Variants in ANKRD30B observed in about 807,000 individuals in gnomAD.
ANKRD30B encodes ankyrin repeat domain 30B, also known as ankyrin repeat domain-containing protein 30B.
A neutral mutation model predicts 202.2 loss-of-function variants in ANKRD30B; 144 were observed. The ratio of observed to expected loss-of-function variants is 0.71; its 90% CI spans 0.62 to 0.82. ANKRD30B has a LOEUF of 0.82. Among genes scored for constraint, ANKRD30B ranks in the 40% least tolerant of loss-of-function variants. The pLI is 0.00. For synonymous variants in ANKRD30B, 508 were observed against 561.3 expected, an observed-to-expected ratio of 0.91 and a Z score of 1.34; for missense variants, 1,487 against 1,669.1, an observed-to-expected ratio of 0.89 and a Z score of 1.90.
At position 14,799,163 on chromosome 18, in the gene ANKRD30B, C is replaced by T. The variant is rs139427917; in HGVS notation, c.2058+34C>T. On this transcript the variant is annotated intron_variant, in intron 21 of 43. Coordinates refer to ENST00000690538, the MANE Select transcript of ANKRD30B (RefSeq NM_001367607.2). ...TTTTATATTTTTATCTTGAATATTA[C>T]CTACATATTTTATGAAGTATACATT... 2.7e-3 allele frequency: 4,273 copies of T among 1,588,770 alleles called. 118 individuals carry two copies. The African/African-American group carries it at 0.052, about 19-fold the overall frequency.
At chr18:14,769,251 C>A in intron 7 of ANKRD30B, 92 bp from the exon 8 acceptor site, 1 of 961,640 alleles carries the variant, frequency 1.0e-6, no homozygotes, top group Non-Finnish European at 1.5e-6. Flanking sequence ...GGATTACAGG[C>A]ATTTGCCATC....
At chr18:14,855,902 G>T (rs1972090675), downstream of ANKRD30B, among the ~76,000 whole-genome samples, 1 of 150,978 alleles carries the variant, frequency 6.6e-6, no homozygotes, top group African/African-American at 2.4e-5. Flanking sequence ...GGGGCGGCTG[G>T]GCAGAGGCGC....
the ANKRD30B span, among the ~76,000 whole-genome samples, chr18:14,894,460 C>G: frequency 1.3e-5 from 2 of 151,844 alleles, no homozygotes; most frequent in Admixed American, 6.6e-5. Flanking sequence ...TTTCTTTTTC[C>G]TGAAACTGTT....
chr18:14,768,625 C>A (rs989742352), intron 7 of ANKRD30B, among the ~76,000 whole-genome samples: 2 of 152,142 alleles, frequency 1.3e-5, no homozygotes, highest in African/African-American at 4.8e-5. Context: ...TGGACAAAAT[C>A]TTCCACACAT....
At chr18:14,919,608 T>C in the ANKRD30B span, among the ~76,000 whole-genome samples, 13 of 152,234 alleles carry the variant, frequency 8.5e-5, no homozygotes, top group Middle Eastern at 3.4e-3. Context: ...CCTGGTCCCA[T>C]GGGGAACTGA....
At chr18:14,907,800 A>G in the ANKRD30B span, among the ~76,000 whole-genome samples, 1 of 152,160 alleles carries the variant, frequency 6.6e-6, no homozygotes, top group South Asian at 2.1e-4. Flanking sequence ...ACAGTTACTG[A>G]ACCCCTTTCT....
Position 14,777,767 on chromosome 18 carries a change from C to T in ANKRD30B, c.1330-218C>T, listed in dbSNP as rs1055990197. On this transcript the variant is annotated intron_variant, in intron 9 of 43. Transcript: ENST00000690538. ...GACCAGCCTGGCCAACATGGTGAAA[C>T]GCCATCTCTCCTAAAAATACAAAAA... is the stretch of plus-strand genomic sequence containing the variant. Among the ~76,000 whole-genome samples, 8 of 151,528 alleles carry T rather than the reference C, an allele frequency of 5.3e-5. No homozygotes were observed. The East Asian group carries it at 5.9e-4, about 11-fold the overall frequency.
chr18:14,877,308 G>GATGAATGA, the ANKRD30B span, among the ~76,000 whole-genome samples: 1 of 111,456 alleles, frequency 9.0e-6, no homozygotes, highest in Admixed American at 8.5e-5. Flanking sequence ...CTCAATAAAT[G>GATGAATGA]ATGAATGAAT....
chr18:14,914,774 A>G, the ANKRD30B span, among the ~76,000 whole-genome samples: 2 of 152,288 alleles, frequency 1.3e-5, no homozygotes, highest in African/African-American at 4.8e-5. Flanking sequence ...GAGAAGGAAG[A>G]TCATAAACTC....
chr18:14,865,489 C>T, the ANKRD30B span, among the ~76,000 whole-genome samples: 3 of 151,834 alleles, frequency 2.0e-5, no homozygotes, highest in Admixed American at 6.6e-5. Context: ...TGCTCATCCC[C>T]GTTCCCCACT....
the ANKRD30B span, among the ~76,000 whole-genome samples, chr18:14,907,832 C>A: frequency 6.6e-6 from 1 of 152,154 alleles, no homozygotes; most frequent in African/African-American, 2.4e-5. Flanking sequence ...TGACACTCTG[C>A]CAAACTCCAG....
chr18:14,820,624 G>T (rs1477418197), intron 30 of ANKRD30B, among the ~76,000 whole-genome samples: 1 of 152,186 alleles, frequency 6.6e-6, no homozygotes, highest in East Asian at 1.9e-4. Flanking sequence ...AGATAATCAT[G>T]TGTTTTTTGT....
chr18:14,873,650 C>A, the ANKRD30B span, among the ~76,000 whole-genome samples: 4 of 152,044 alleles, frequency 2.6e-5, no homozygotes, highest in Non-Finnish European at 5.9e-5. Context: ...TCTAAACCCC[C>A]AATTCCCTTG....
intron 39 of ANKRD30B, among the ~76,000 whole-genome samples, chr18:14,848,222 G>A (rs974307270): frequency 1.4e-4 from 21 of 151,952 alleles, no homozygotes; most frequent in African/African-American, 5.1e-4. Context: ...AAATTGTTTA[G>A]TGTATTTTGT....
At position 14,804,568 on chromosome 18, in the gene ANKRD30B, TTG is replaced by T. The variant is rs1225185336; in HGVS notation, c.2284+745_2284+746del. ...TGCTGATGCTGGTGGTCGTTGGACC[TTG>T]CTCTGAGTAGCAAGATGAGAGACCT... On this transcript the variant is annotated intron_variant, in intron 24 of 43. Transcript: ENST00000690538. 2.1e-4 allele frequency among the ~76,000 whole-genome samples: 32 copies of T among 150,898 alleles called. 1 individual carries two copies. In the East Asian group the frequency reaches 5.2e-3, roughly 25 times the overall value.
At chr18:14,928,985 A>C in the ANKRD30B span, among the ~76,000 whole-genome samples, 1 of 152,182 alleles carries the variant, frequency 6.6e-6, no homozygotes, top group Non-Finnish European at 1.5e-5. Flanking sequence ...CCTCTGATTA[A>C]AAATGAAACA....
the ANKRD30B span, among the ~76,000 whole-genome samples, chr18:14,863,142 G>C: frequency 6.6e-6 from 1 of 152,158 alleles, no homozygotes; most frequent in Non-Finnish European, 1.5e-5. Flanking sequence ...GATGATAATT[G>C]TATTGTGCAA....
chr18:14,796,482 C>T (rs572346593), intron 18 of ANKRD30B, 67 bp downstream of exon 18: 1,257 of 1,454,286 alleles, frequency 8.6e-4, no homozygotes, highest in Non-Finnish European at 1.0e-3. Context: ...TGCCGAGAGG[C>T]TTTTATTCCC....
intron 36 of ANKRD30B, among the ~76,000 whole-genome samples, chr18:14,838,513 A>G (rs1344419759): frequency 6.6e-6 from 1 of 152,204 alleles, no homozygotes; most frequent in Non-Finnish European, 1.5e-5. Flanking sequence ...TAATAAGTGG[A>G]CATTTTTTTT....
Sources: gnomAD v4.1 joint callset for allele counts (sites outside exome capture counted in the v4.1 genomes callset) on GRCh38, gnomAD v4.1.1 for gene constraint, MANE v1.5 for transcripts, NCBI Gene and HGNC (gene_info 2026-07-23, HGNC 2026-07-21) for gene names.